Variants in PDE7A observed in about 807,000 individuals in gnomAD.
PDE7A encodes high affinity 3',5'-cyclic-AMP phosphodiesterase 7A.
A neutral mutation model predicts 64.3 loss-of-function variants in PDE7A; 39 were observed. The observed-to-expected ratio is 0.61, with a 90% CI of 0.47 to 0.79. The LOEUF is 0.79. Among genes scored for constraint, PDE7A ranks in the 30% least tolerant of loss-of-function variants. The pLI, the probability that PDE7A is intolerant of heterozygous loss-of-function variation, is 0.00. For missense variants in PDE7A, 470 were observed against 582.8 expected (o/e 0.81, Z 1.99); for synonymous variants, 203 against 206.8 (o/e 0.98, Z 0.16).
At chr8:65,785,306 T>C (rs1308369192) in intron 1 of PDE7A, among the ~76,000 whole-genome samples, 2 of 152,136 alleles carry the variant, frequency 1.3e-5, no homozygotes, top group African/African-American at 2.4e-5. Context: ...AGTCTTGCAG[T>C]GTGTGTAATT....
At chr8:65,747,966 A>AT (rs954388025) in intron 3 of PDE7A, among the ~76,000 whole-genome samples, 163 bp from the exon 4 acceptor site, 8 of 152,056 alleles carry the variant, frequency 5.3e-5, no homozygotes, top group African/African-American at 1.9e-4. Flanking sequence ...ATTTTATTTT[A>AT]TTTTTTTAAG....
Position 65,801,262 on chromosome 8 carries a change from C to T in PDE7A, c.139-18419G>A, listed in dbSNP as rs543394712. On this transcript the variant is annotated intron_variant, in intron 1 of 12. Coordinates refer to ENST00000401827, the MANE Select transcript of PDE7A (RefSeq NM_001242318.3). ...TCTCTAAGAATACTTCCATTTCCAACAATGGACTAGTTTAGAAACACAACT... is the reference window on the plus strand; with the variant it reads ...TCTCTAAGAATACTTCCATTTCCAATAATGGACTAGTTTAGAAACACAACT... Among the ~76,000 whole-genome samples the T allele has an allele frequency of 1.6e-4, 24 of 152,274 alleles. 1 individual carries two copies. In the South Asian group the frequency reaches 4.6e-3, roughly 29 times the overall value.
Position 65,841,616 on chromosome 8 carries a change from G to C in PDE7A, c.-108C>G. The C allele has an allele frequency of 8.0e-6, 3 of 375,542 alleles. No individual in the cohort carries two copies. Among genetic ancestry groups the C allele is most frequent in the Non-Finnish European group, 1.2e-5 (3 of 251,426 alleles). 23.3% of individuals were successfully genotyped at this position (375,542 alleles called of 1,614,324 possible). ...GGGCTCCGGGCCGAGACGGGGGCAG[G>C]GCGGGCGGGGACCGACCCCGGGCTG... On this transcript the variant is annotated 5_prime_UTR_variant, in exon 1 of 13. Coordinates refer to ENST00000401827, the MANE Select transcript of PDE7A (RefSeq NM_001242318.3).
chr8:65,751,466 C>T (rs1453682821), intron 3 of PDE7A, among the ~76,000 whole-genome samples: 1 of 152,040 alleles, frequency 6.6e-6, no homozygotes, highest in East Asian at 1.9e-4. Flanking sequence ...CTATTGTATC[C>T]TTCCTGAGGT....
chr8:65,773,481 A>G (rs1809169605), intron 3 of PDE7A, among the ~76,000 whole-genome samples: 1 of 152,174 alleles, frequency 6.6e-6, no homozygotes, highest in African/African-American at 2.4e-5. Flanking sequence ...TCTAAATACC[A>G]TACTACAAAG....
intron 5 of PDE7A, among the ~76,000 whole-genome samples, chr8:65,740,192 CA>C (rs1285127902): frequency 6.6e-6 from 1 of 151,970 alleles, no homozygotes; most frequent in African/African-American, 2.4e-5. Flanking sequence ...GGGGGAATCA[CA>C]AAACTAGGCA....
At chr8:65,779,446 TA>T (rs935069853) in intron 3 of PDE7A, among the ~76,000 whole-genome samples, 27 of 151,826 alleles carry the variant, frequency 1.8e-4, no homozygotes, top group African/African-American at 6.1e-4. Context: ...TAAAACAACT[TA>T]AAAAAATCTT....
At chr8:65,721,662 C>T (rs557223271) in intron 12 of PDE7A, 1 of 152,112 alleles carries the variant, frequency 6.6e-6, no homozygotes, top group Non-Finnish European at 1.5e-5. Context: ...ATAAAAATTA[C>T]AATGTTTTAA....
intron 1 of PDE7A, among the ~76,000 whole-genome samples, chr8:65,827,369 GACA>G (rs1281938155): frequency 1.3e-5 from 2 of 152,044 alleles, no homozygotes; most frequent in Non-Finnish European, 2.9e-5. Context: ...AATTTTTCTT[GACA>G]ACTTTTTAGA....
intron 3 of PDE7A, among the ~76,000 whole-genome samples, chr8:65,760,914 T>G (rs1194718657): frequency 7.5e-6 from 1 of 132,804 alleles, no homozygotes; most frequent in Non-Finnish European, 1.7e-5. Context: ...ATTAACATCA[T>G]TTAGGAATAC....
At chr8:65,764,246 TG>T (rs771623408) in intron 3 of PDE7A, among the ~76,000 whole-genome samples, 1 of 152,216 alleles carries the variant, frequency 6.6e-6, no homozygotes, top group Non-Finnish European at 1.5e-5. Flanking sequence ...AAGAAATGTT[TG>T]CTCTGAAACA....
chr8:65,766,577 T>C (rs1808796464), intron 3 of PDE7A, among the ~76,000 whole-genome samples: 1 of 152,190 alleles, frequency 6.6e-6, no homozygotes, highest in Admixed American at 6.5e-5. Flanking sequence ...CACCTTTCAG[T>C]GTAAACCACT....
chr8:65,727,738 T>A (rs1231159255), intron 7 of PDE7A: 1 of 155,414 alleles, frequency 6.4e-6, no homozygotes, highest in Non-Finnish European at 1.4e-5. Context: ...ATTTCAATAA[T>A]GTAATCTAAG....
At chr8:65,737,168 T>C (rs1389746185) in intron 6 of PDE7A, among the ~76,000 whole-genome samples, 1 of 152,070 alleles carries the variant, frequency 6.6e-6, no homozygotes, top group African/African-American at 2.4e-5. Flanking sequence ...CCAAGGACAG[T>C]ATAGAGCCAA....
chr8:65,769,204 C>T (rs554445141), intron 3 of PDE7A, among the ~76,000 whole-genome samples: 44 of 143,438 alleles, frequency 3.1e-4, no homozygotes, highest in African/African-American at 1.0e-3. Flanking sequence ...GCTAAGATCA[C>T]GCCACTGCAC....
At chr8:65,765,918 C>A (rs1172726656) in intron 3 of PDE7A, among the ~76,000 whole-genome samples, 2 of 152,086 alleles carry the variant, frequency 1.3e-5, no homozygotes, top group Non-Finnish European at 2.9e-5. Context: ...AGTTTAGAGA[C>A]AAATTTAGAG....
At position 65,716,481 on chromosome 8, in the gene PDE7A, G is replaced by A. The variant is rs1409935383; in HGVS notation, c.*2809C>T. ...GCAGAGAATCTCTAGCACCTTCCAG[G>A]GGAAGAGGGTACCCTGGTCCACAAA... On this transcript the variant is annotated 3_prime_UTR_variant, in exon 13 of 13. Transcript: ENST00000401827. 6.6e-6 allele frequency among the ~76,000 whole-genome samples: 1 copy of A among 152,026 alleles called. No homozygotes were observed. The highest frequency in any genetic ancestry group is 1.5e-5 in the Non-Finnish European group (1 of 67,998).
chr8:65,727,083 T>A lies in PDE7A; in HGVS notation c.828+87A>T. 3 of 1,027,402 alleles carry A rather than the reference T, an allele frequency of 2.9e-6. No individual in the cohort carries two copies. The Admixed American group carries it at 5.9e-5, about 20-fold the overall frequency. 63.6% of individuals were successfully genotyped at this position (1,027,402 alleles called of 1,614,324 possible). A position where few individuals can be genotyped will look rare whatever the true frequency, so the allele number is the denominator to read the frequency against. ...TAAAATTCTAACATTCATTGAGAAT[T>A]TATTTTCATTACTTTCATTTCTTCA... On this transcript the variant is annotated intron_variant, in intron 8 of 12. Coordinates refer to ENST00000401827, the MANE Select transcript of PDE7A (RefSeq NM_001242318.3).
intron 1 of PDE7A, among the ~76,000 whole-genome samples, chr8:65,827,297 T>G (rs1238285203): frequency 6.6e-6 from 1 of 152,208 alleles, no homozygotes; most frequent in Non-Finnish European, 1.5e-5. Context: ...AGCCTACTGA[T>G]CTGTATGTTA....
Sources: allele counts gnomAD v4.1 joint callset (sites outside exome capture counted in the v4.1 genomes callset), GRCh38; gene constraint gnomAD v4.1.1; transcripts MANE v1.5; gene names NCBI Gene and HGNC (gene_info 2026-07-23, HGNC 2026-07-21).